Variants in DPF3 observed in about 807,000 individuals in gnomAD.
DPF3 encodes the protein double PHD fingers 3.
A neutral mutation model predicts 56.8 loss-of-function variants in DPF3; 18 were observed. That is an observed-to-expected ratio of 0.32 (90% CI 0.22 to 0.47). The LOEUF (loss-of-function observed/expected upper bound fraction) is 0.47. DPF3 is among the 20% of genes least tolerant of loss of function. The pLI is 1.00. For missense variants in DPF3, 403 were observed against 488.8 expected (o/e 0.82, Z 1.65); for synonymous variants, 188 against 180.2 (o/e 1.04, Z -0.35).
intron 1 of DPF3, among the ~76,000 whole-genome samples, chr14:72,808,985 G>A (rs1476542396): frequency 6.6e-6 from 1 of 152,178 alleles, no homozygotes; most frequent in East Asian, 1.9e-4. Flanking sequence ...AGATTAACTT[G>A]GCAGTGCCTT....
intron 1 of DPF3, among the ~76,000 whole-genome samples, chr14:72,788,306 A>T (rs1892292265): frequency 6.6e-6 from 1 of 152,096 alleles, no homozygotes; most frequent in Non-Finnish European, 1.5e-5. Context: ...GCAGGAGGTG[A>T]GCACTGAGAA....
Position 72,780,218 on chromosome 14 carries a change from G to T in DPF3, c.33-8325C>A, listed in dbSNP as rs548987670. On this transcript the variant is annotated intron_variant, in intron 1 of 10. Transcript: ENST00000556509. The stretch of plus-strand genomic sequence containing the variant: ...TCTGTCCTTGTCCTGGCTGATCTTA[G>T]CCTAGTCAAGAGCTGGCTGAAAACT... Among the ~76,000 whole-genome samples, 8 of 152,268 alleles carry T rather than the reference G, an allele frequency of 5.3e-5. No individual in the cohort carries two copies. The South Asian group carries it at 1.7e-3, about 32-fold the overall frequency.
Position 72,878,140 on chromosome 14 carries a change from G to A in DPF3, c.32+15917C>T, listed in dbSNP as rs528363355. ...CAGACCAGGATCTGAACTGAAACTT[G>A]ACCCTGGGAGTCCGTGTCCACCTTG... On this transcript the variant is annotated intron_variant, in intron 1 of 10. Transcript: ENST00000556509. Among the ~76,000 whole-genome samples the A allele has an allele frequency of 7.9e-5, 12 of 152,270 alleles. No homozygotes were observed. In the East Asian group the frequency reaches 9.6e-4, roughly 12 times the overall value.
At chr14:72,670,361 C>T (rs1886615821) in intron 8 of DPF3, 1 of 986,254 alleles carries the variant, frequency 1.0e-6, no homozygotes, top group Non-Finnish European at 1.2e-6. Flanking sequence ...GCTCTACTGA[C>T]GGAGGAGGAG....
chr14:72,740,758 C>T (rs1368902145), intron 3 of DPF3, among the ~76,000 whole-genome samples: 1 of 152,234 alleles, frequency 6.6e-6, no homozygotes, highest in Admixed American at 6.5e-5. Flanking sequence ...AGAGAGGAGG[C>T]CTTCCCAGTT....
intron 1 of DPF3, among the ~76,000 whole-genome samples, chr14:72,884,144 T>C (rs1332122598): frequency 6.6e-6 from 1 of 151,936 alleles, no homozygotes; most frequent in Non-Finnish European, 1.5e-5. Context: ...CCAACCGCGC[T>C]TCTGCTTCCT....
intron 6 of DPF3, among the ~76,000 whole-genome samples, chr14:72,697,643 G>A (rs1201091780): frequency 6.6e-6 from 1 of 152,178 alleles, no homozygotes. Context: ...CTATCCTGAG[G>A]ACCAAGTTAA....
intron 6 of DPF3, among the ~76,000 whole-genome samples, chr14:72,694,092 G>A (rs952301180): frequency 4.6e-5 from 7 of 152,216 alleles, no homozygotes; most frequent in Admixed American, 2.0e-4. Context: ...AGAAAGGGCA[G>A]CAGTTCTGTT....
rs889021335 is a variant in DPF3, at chr14:72,616,618, C to T, written c.*2679G>A. 6.6e-6 allele frequency among the ~76,000 whole-genome samples: 1 copy of T among 152,130 alleles called. No individual in the cohort carries two copies. Among genetic ancestry groups the T allele is most frequent in the Non-Finnish European group, 1.5e-5 (1 of 68,036 alleles). ...AGTCCCAGTGTCACTCTGGAATAGG[C>T]AGGGCAAGTGTTACTATCTCCACTT... is the stretch of plus-strand genomic sequence containing the variant. On this transcript the variant is annotated 3_prime_UTR_variant, in exon 11 of 11. Transcript: ENST00000556509.
intron 1 of DPF3, among the ~76,000 whole-genome samples, chr14:72,821,406 G>C (rs1168958161): frequency 6.6e-6 from 1 of 152,076 alleles, no homozygotes; most frequent in Non-Finnish European, 1.5e-5. Context: ...AACATAGCAA[G>C]ACCCCATTCT....
At chr14:72,875,130 T>C (rs1389776261) in intron 1 of DPF3, among the ~76,000 whole-genome samples, 7 of 152,222 alleles carry the variant, frequency 4.6e-5, no homozygotes, top group Non-Finnish European at 7.3e-5. Flanking sequence ...TGGGAAAGAC[T>C]GGCCTCCATG....
At chr14:72,841,194 A>G (rs1884530609) in intron 1 of DPF3, among the ~76,000 whole-genome samples, 1 of 152,176 alleles carries the variant, frequency 6.6e-6, no homozygotes. Context: ...GCAAAACAGA[A>G]CTAACAGATT....
At chr14:72,749,305 C>G (rs1421052389) in intron 3 of DPF3, among the ~76,000 whole-genome samples, 2 of 152,202 alleles carry the variant, frequency 1.3e-5, no homozygotes, top group Non-Finnish European at 2.9e-5. Context: ...GGGCCTGTAG[C>G]CCCTTTGTTT....
At position 72,671,102 on chromosome 14, in the gene DPF3, A is replaced by T. The variant is rs200325643; in HGVS notation, c.871+3138T>A. On this transcript the variant is annotated intron_variant, in intron 8 of 10. Transcript: ENST00000556509. ...GCACAATGACCAAAGTCAGAGGGGGATGGCTAATTGCCCAGAGAGTCTGTT... is the reference window on the plus strand; with the variant it reads ...GCACAATGACCAAAGTCAGAGGGGGTTGGCTAATTGCCCAGAGAGTCTGTT... 20 of 1,609,820 alleles carry T rather than the reference A, an allele frequency of 1.2e-5. No homozygotes were observed. The East Asian group carries it at 3.8e-4, about 31-fold the overall frequency.
chr14:72,715,099 C>A (rs891797061), intron 5 of DPF3, among the ~76,000 whole-genome samples: 11 of 152,136 alleles, frequency 7.2e-5, no homozygotes, highest in African/African-American at 2.7e-4. Context: ...CCGCCACCAG[C>A]CCATGCTTGG....
intron 6 of DPF3, among the ~76,000 whole-genome samples, chr14:72,695,584 G>C (rs914657622): frequency 1.4e-4 from 21 of 152,170 alleles, no homozygotes; most frequent in Admixed American, 7.9e-4. Flanking sequence ...CATCCATGTT[G>C]CAAAGGACAT....
chr14:72,731,801 G>T lies in DPF3; in HGVS notation c.429+6C>A. On this transcript the variant is annotated splice_donor_region_variant and intron_variant, in intron 4 of 10. Coordinates refer to ENST00000556509, the MANE Select transcript of DPF3 (RefSeq NM_001280542.3). ...TCTGTGGGGTCCCCAGCAGGTGTGG[G>T]AATACCTGTATTTCCTGGATGCTTT... 6.2e-7 allele frequency: 1 copy of T among 1,613,392 alleles called. No individual in the cohort carries two copies. Among genetic ancestry groups the T allele is most frequent in the Non-Finnish European group, 8.5e-7 (1 of 1,179,670 alleles).
At chr14:72,814,945 T>A (rs1883221076) in intron 1 of DPF3, among the ~76,000 whole-genome samples, 1 of 152,024 alleles carries the variant, frequency 6.6e-6, no homozygotes, top group Admixed American at 6.5e-5. Context: ...AAATAGGACA[T>A]AAAATGCATG....
chr14:72,693,768 G>A (rs974915826), intron 6 of DPF3, among the ~76,000 whole-genome samples: 22 of 152,202 alleles, frequency 1.4e-4, no homozygotes, highest in African/African-American at 5.1e-4. Context: ...CAGAACCCAT[G>A]TCTCCTGGGT....
Sources: allele counts gnomAD v4.1 joint callset (sites outside exome capture counted in the v4.1 genomes callset), GRCh38; gene constraint gnomAD v4.1.1; transcripts MANE v1.5; gene names NCBI Gene and HGNC (gene_info 2026-07-23, HGNC 2026-07-21).